The following UNC5B variants were observed in gnomAD, a reference collection of about 807,000 sequenced individuals.
UNC5B encodes the protein unc-5 netrin receptor B.
A neutral mutation model predicts 103.7 loss-of-function variants in UNC5B; 56 were observed. The ratio of observed to expected loss-of-function variants is 0.54; its 90% CI spans 0.44 to 0.67. UNC5B has a LOEUF of 0.67. Among genes scored for constraint, UNC5B ranks in the 30% least tolerant of loss-of-function variants. UNC5B has a pLI of 0.00. For missense variants in UNC5B, 1,194 were observed against 1,284.5 expected, an observed-to-expected ratio of 0.93 and a Z score of 1.08; for synonymous variants, 577 against 542.0, an observed-to-expected ratio of 1.06 and a Z score of -0.90.
rs916098479 is a variant in UNC5B at position 71,213,608 on chromosome 10, A to T, written c.79+544A>T. On this transcript the variant is annotated intron_variant, in intron 1 of 16. Transcript: ENST00000335350. The surrounding 1 kb of genome is among the most constrained non-coding windows in gnomAD (Gnocchi z 4.1). ...GGCAGGCCGGCTTGCAGGGCTCCTG[A>T]AGCGGGGAGGGCTAAGTCTTGCACA... Among the ~76,000 whole-genome samples, 4 of 151,828 alleles carry T rather than the reference A, an allele frequency of 2.6e-5. No homozygotes were observed. Among genetic ancestry groups the T allele is most frequent in the African/African-American group, 9.7e-5 (4 of 41,302 alleles).
At chr10:71,298,148 G>C in intron 16 of UNC5B, 58 bp downstream of exon 16, 1 of 1,508,800 alleles carries the variant, frequency 6.6e-7, no homozygotes, top group East Asian at 2.4e-5. Context: ...GGTCTCACAG[G>C]GGCAGGCAGG....
chr10:71,287,685 C>T lies in UNC5B; in HGVS notation c.821C>T (p.Thr274Ile). 2.5e-6 allele frequency: 4 copies of T among 1,613,406 alleles called. No individual in the cohort carries two copies. Among genetic ancestry groups the T allele is most frequent in the Non-Finnish European group, 3.4e-6 (4 of 1,179,702 alleles). ...TGGCAGAAGCGCACCCGGACCTGCACCAACCCCGCTCCACTCAACGGAGGG... is the reference window on the plus strand; with the variant it reads ...TGGCAGAAGCGCACCCGGACCTGCATCAACCCCGCTCCACTCAACGGAGGG... ...RGWQKRTRTC[T>I]NPAPLNGGAF... The change falls in exon 6 of 17, where the codon ACC becomes ATC. Residue 274 changes from threonine to isoleucine, a missense_variant. Physicochemically the swap from Thr to Ile is moderately conservative, Grantham distance 89. Transcript: ENST00000335350.
At chr10:71,261,011 A>T (rs1538894) in intron 1 of UNC5B, among the ~76,000 whole-genome samples, 1 of 152,146 alleles carries the variant, frequency 6.6e-6, no homozygotes, top group Non-Finnish European at 1.5e-5. Context: ...CGGCTGGTTC[A>T]CTATTAGGGG....
chr10:71,289,071 G>A (rs1001817280), intron 8 of UNC5B, 81 bp downstream of exon 8: 6 of 1,600,770 alleles, frequency 3.7e-6, no homozygotes, highest in African/African-American at 1.3e-5. Flanking sequence ...GGATCAGGGT[G>A]CAGGGCAGGG....
At chr10:71,296,548 C>A in intron 14 of UNC5B, 30 bp from the exon 15 acceptor site, 1 of 1,610,518 alleles carries the variant, frequency 6.2e-7, no homozygotes, top group South Asian at 1.1e-5. Context: ...CTGGCCTTGC[C>A]TGCCTGGTCC....
At chr10:71,262,846 TG>T (rs1844443291) in intron 1 of UNC5B, among the ~76,000 whole-genome samples, 1 of 152,172 alleles carries the variant, frequency 6.6e-6, no homozygotes, top group Admixed American at 6.5e-5. Flanking sequence ...AGGTTAAATG[TG>T]TGGCTGTCAC....
chr10:71,260,913 G>A (rs1844403776), intron 1 of UNC5B, among the ~76,000 whole-genome samples: 1 of 152,356 alleles, frequency 6.6e-6, no homozygotes, highest in South Asian at 2.1e-4. Context: ...GGTTGCTGCT[G>A]TTGCGCTGGG....
At chr10:71,217,514 G>A (rs561377710) in intron 1 of UNC5B, 18 of 152,364 alleles carry the variant, frequency 1.2e-4, no homozygotes, top group African/African-American at 4.3e-4. Context: ...GAGTTGGGTG[G>A]CGCTTGATTG....
intron 2 of UNC5B, among the ~76,000 whole-genome samples, chr10:71,283,371 T>C (rs1377962235): frequency 6.6e-6 from 1 of 152,210 alleles, no homozygotes; most frequent in African/African-American, 2.4e-5. Flanking sequence ...GTCTAGAGTT[T>C]ACCTTGAGAG....
chr10:71,302,291 G>T lies in UNC5B; in HGVS notation c.*3014G>T, dbSNP rs2275577. The T allele has an allele frequency of 0.21, 31,653 of 152,158 alleles. 5,772 individuals are homozygous for T. Among genetic ancestry groups the T allele is most frequent in the African/African-American group, 0.49 (20,460 of 41,424 alleles). 9.4% of individuals were successfully genotyped at this position (152,158 alleles called of 1,614,324 possible). A position where few individuals can be genotyped will look rare whatever the true frequency, so the allele number is the denominator to read the frequency against. On this transcript the variant is annotated 3_prime_UTR_variant, in exon 17 of 17. Coordinates refer to ENST00000335350, the MANE Select transcript of UNC5B (RefSeq NM_170744.5). ...GGTGCGTGTGTGCGTGCGCGTGTGC[G>T]TGCCTATGCTTTTCTCTGTGGGCAC...
intron 1 of UNC5B, among the ~76,000 whole-genome samples, chr10:71,270,897 C>T (rs900896511): frequency 6.6e-6 from 1 of 152,168 alleles, no homozygotes; most frequent in African/African-American, 2.4e-5. Context: ...GGGACAGCAG[C>T]ATTAACAAAG....
intron 1 of UNC5B, among the ~76,000 whole-genome samples, chr10:71,236,505 C>T (rs1589156524): frequency 1.3e-5 from 2 of 152,316 alleles, no homozygotes; most frequent in East Asian, 1.9e-4. Flanking sequence ...AATATGAAGC[C>T]GGGGCAGGGA....
chr10:71,229,838 T>C (rs1199259612), intron 1 of UNC5B, among the ~76,000 whole-genome samples: 1 of 152,148 alleles, frequency 6.6e-6, no homozygotes, highest in East Asian at 1.9e-4. Context: ...GAGTAAGAGC[T>C]GGTGGTGAGA....
intron 14 of UNC5B, 50 bp downstream of exon 14, chr10:71,296,010 G>A (rs773431078): frequency 2.2e-5 from 36 of 1,609,750 alleles, no homozygotes; most frequent in East Asian, 2.0e-4. Context: ...AGGGCTGCCC[G>A]GGAAGCCCAG....
chr10:71,269,740 G>T (rs1024631185), intron 1 of UNC5B, among the ~76,000 whole-genome samples: 2 of 152,018 alleles, frequency 1.3e-5, no homozygotes, highest in African/African-American at 4.8e-5. Context: ...CAGACAGCAA[G>T]CTTACAAACA....
chr10:71,295,264 TG>T (rs535965107), intron 13 of UNC5B, among the ~76,000 whole-genome samples: 79 of 152,340 alleles, frequency 5.2e-4, no homozygotes, highest in African/African-American at 1.6e-3. Context: ...TGGCCAGCTT[TG>T]GCCAGAGAGT....
At chr10:71,288,339 C>A (rs1845147730) in intron 6 of UNC5B, among the ~76,000 whole-genome samples, 2 of 152,202 alleles carry the variant, frequency 1.3e-5, no homozygotes, top group Non-Finnish European at 2.9e-5. Context: ...ATACATCTAT[C>A]TGTACCCTCT....
At chr10:71,296,439 AG>A (rs1845413742) in intron 14 of UNC5B, 138 bp from the exon 15 acceptor site, 1 of 954,518 alleles carries the variant, frequency 1.0e-6, no homozygotes, top group Non-Finnish European at 1.5e-6. Flanking sequence ...TGGCTAGCTT[AG>A]GGCACTTGAC....
chr10:71,292,686 C>T, intron 11 of UNC5B, 132 bp downstream of exon 11: 1 of 755,606 alleles, frequency 1.3e-6, no homozygotes, highest in South Asian at 2.1e-5. Context: ...CTTACTGTGT[C>T]CATATTGAAA....
Sources: gnomAD v4.1 joint callset for allele counts (sites outside exome capture counted in the v4.1 genomes callset) on GRCh38, gnomAD v4.1.1 for gene constraint, Gnocchi (gnomAD v3.1) non-coding constraint, MANE v1.5 for transcripts, NCBI Gene and HGNC (gene_info 2026-07-23, HGNC 2026-07-21) for gene names.